Variants in ZMYM2 observed in about 807,000 individuals in gnomAD.
ZMYM2 encodes the protein zinc finger MYM-type containing 2.
ZMYM2 carries 56 observed loss-of-function variants against 162.8 expected under a neutral mutation model. The observed-to-expected ratio is 0.34, with a 90% CI of 0.28 to 0.43. The LOEUF is 0.43. Among genes scored for constraint, ZMYM2 ranks in the 20% least tolerant of loss-of-function variants. The pLI is 1.00. For synonymous variants in ZMYM2, 510 were observed against 541.6 expected, an observed-to-expected ratio of 0.94 and a Z score of 0.81; for missense variants, 1,275 against 1,621.8, an observed-to-expected ratio of 0.79 and a Z score of 3.67.
intron 21 of ZMYM2, among the ~76,000 whole-genome samples, chr13:20,076,363 C>CTG (rs1473180743): frequency 2.0e-5 from 3 of 150,530 alleles, no homozygotes; most frequent in Non-Finnish European, 4.4e-5. Context: ...TCCTAAAGAA[C>CTG]TGATGCATTT....
intron 2 of ZMYM2, among the ~76,000 whole-genome samples, chr13:19,970,429 A>G (rs1956197070): frequency 1.3e-5 from 2 of 152,164 alleles, no homozygotes; most frequent in Non-Finnish European, 2.9e-5. Flanking sequence ...CCAAAGACAA[A>G]GGATAGAGAT....
intron 2 of ZMYM2, among the ~76,000 whole-genome samples, chr13:19,986,361 C>T (rs1357463212): frequency 6.8e-6 from 1 of 146,758 alleles, no homozygotes; most frequent in Non-Finnish European, 1.5e-5. Context: ...TCAGAAAAAA[C>T]AAACAAAAAC....
At chr13:20,026,513 G>A (rs1286465167) in intron 7 of ZMYM2, 99 bp from the exon 8 acceptor site, 1 of 1,187,424 alleles carries the variant, frequency 8.4e-7, no homozygotes, top group Non-Finnish European at 1.2e-6. Context: ...AGATTAACAG[G>A]ATTGTTTTGC....
upstream of ZMYM2, among the ~76,000 whole-genome samples, chr13:19,955,067 C>T (rs1954479668): frequency 6.6e-6 from 1 of 152,022 alleles, no homozygotes. Flanking sequence ...CTGCCTTGGC[C>T]TCCCAAAGTG....
chr13:20,054,417 A>C (rs946354410), intron 14 of ZMYM2, among the ~76,000 whole-genome samples: 1 of 152,224 alleles, frequency 6.6e-6, no homozygotes, highest in Admixed American at 6.5e-5. Context: ...TTGCCAGGTT[A>C]TATCACTTCT....
At chr13:20,017,599 A>G (rs992370636) in intron 6 of ZMYM2, among the ~76,000 whole-genome samples, 3 of 144,762 alleles carry the variant, frequency 2.1e-5, no homozygotes, top group African/African-American at 7.4e-5. Context: ...TTGGGACTCC[A>G]GTGACATGAA....
the ZMYM2 span, chr13:19,864,725 C>T: frequency 6.6e-6 from 1 of 152,334 alleles, no homozygotes; most frequent in Non-Finnish European, 1.5e-5. Flanking sequence ...AGGCTCCCTC[C>T]ACAGCCCGCT....
the ZMYM2 span, among the ~76,000 whole-genome samples, chr13:19,916,631 A>G: frequency 1.7e-3 from 241 of 145,790 alleles, no homozygotes; most frequent in African/African-American, 5.6e-3. Flanking sequence ...AAAACACTGC[A>G]TGTTCTCACT....
At chr13:19,994,454 C>T (rs923411487) in intron 3 of ZMYM2, among the ~76,000 whole-genome samples, 4 of 152,154 alleles carry the variant, frequency 2.6e-5, no homozygotes, top group African/African-American at 9.7e-5. Context: ...AATATAATAG[C>T]ACACTTAAAG....
intron 2 of ZMYM2, 114 bp from the exon 3 acceptor site, chr13:19,992,949 C>A: frequency 8.7e-7 from 1 of 1,153,416 alleles, no homozygotes; most frequent in Non-Finnish European, 1.2e-6. Flanking sequence ...AGACAAGAAT[C>A]ACTTCATTTA....
At chr13:19,883,793 G>A in the ZMYM2 span, among the ~76,000 whole-genome samples, 1 of 151,948 alleles carries the variant, frequency 6.6e-6, no homozygotes, top group African/African-American at 2.4e-5. Flanking sequence ...TTTTAATTCT[G>A]TTGCCCAGGC....
chr13:20,027,704 A>T (rs1952712243), intron 9 of ZMYM2, among the ~76,000 whole-genome samples: 1 of 152,190 alleles, frequency 6.6e-6, no homozygotes, highest in Admixed American at 6.5e-5. Flanking sequence ...CTTTCTTCAT[A>T]TGTTAGAAAT....
At chr13:20,067,734 A>G (rs1956788720) in intron 21 of ZMYM2, among the ~76,000 whole-genome samples, 1 of 152,204 alleles carries the variant, frequency 6.6e-6, no homozygotes, top group Non-Finnish European at 1.5e-5. Context: ...ATAACTACTC[A>G]TTAATTCTTT....
At chr13:19,971,723 A>G (rs994488407) in intron 2 of ZMYM2, among the ~76,000 whole-genome samples, 5 of 152,158 alleles carry the variant, frequency 3.3e-5, no homozygotes, top group Non-Finnish European at 5.9e-5. Context: ...GAAGTAGGAA[A>G]AGCATTTGAT....
chr13:20,075,669 CCTTTTTTTTTTT>C (rs1957435052), intron 21 of ZMYM2, among the ~76,000 whole-genome samples: 1 of 109,326 alleles, frequency 9.1e-6, no homozygotes, highest in Non-Finnish European at 1.7e-5. Context: ...ACTATAGACA[CCTTTTTTTTTTT>C]TTTTTTTTTT....
the ZMYM2 span, among the ~76,000 whole-genome samples, chr13:19,880,675 C>T: frequency 2.6e-5 from 4 of 152,134 alleles, no homozygotes; most frequent in Non-Finnish European, 4.4e-5. Context: ...GCGATCCACC[C>T]GCCTTGGACT....
chr13:19,919,180 C>T, the ZMYM2 span, among the ~76,000 whole-genome samples: 10 of 150,632 alleles, frequency 6.6e-5, no homozygotes, highest in Non-Finnish European at 1.0e-4. Context: ...CCATCCAAGT[C>T]GTGCATATGA....
chr13:19,909,056 C>T, the ZMYM2 span, among the ~76,000 whole-genome samples: 8 of 152,186 alleles, frequency 5.3e-5, no homozygotes, highest in Non-Finnish European at 1.0e-4. Flanking sequence ...TCAATGTTTA[C>T]TGGTAATGAT....
chr13:20,071,192 C>G, intron 21 of ZMYM2: 1 of 152,218 alleles, frequency 6.6e-6, no homozygotes, highest in Non-Finnish European at 1.5e-5. Flanking sequence ...TCAAGCAATT[C>G]TCCTGAGGAG....
Sources: allele counts gnomAD v4.1 joint callset (sites outside exome capture counted in the v4.1 genomes callset), GRCh38; gene constraint gnomAD v4.1.1; transcripts MANE v1.5; gene names NCBI Gene and HGNC (gene_info 2026-07-23, HGNC 2026-07-21).